ZNF780B: variants seen among roughly 807,000 people sequenced by gnomAD.
ZNF780B encodes zinc finger protein 780B.
A neutral mutation model predicts 74.1 loss-of-function variants in ZNF780B; 52 were observed. The ratio of observed to expected loss-of-function variants is 0.70; its 90% CI spans 0.56 to 0.88. The LOEUF (loss-of-function observed/expected upper bound fraction) is 0.88, where lower values mean the gene tolerates loss of function less well. ZNF780B is among the 40% of genes least tolerant of loss of function. ZNF780B has a pLI of 0.00. For synonymous variants in ZNF780B, 315 were observed against 324.3 expected (o/e 0.97, Z 0.31); for missense variants, 953 against 1,007.6 (o/e 0.95, Z 0.73).
chr19:40,044,488 G>GA (rs1012107730), intron 4 of ZNF780B, among the ~76,000 whole-genome samples: 6 of 152,080 alleles, frequency 3.9e-5, no homozygotes, highest in African/African-American at 9.7e-5. Context: ...AGTGTTGAAA[G>GA]AAAAAAATCA....
chr19:40,036,723 C>T, intron 4 of ZNF780B, 97 bp from the exon 5 acceptor site: 1 of 738,172 alleles, frequency 1.4e-6, no homozygotes, highest in Non-Finnish European at 2.1e-6. Flanking sequence ...AAATATAATA[C>T]TTTCAGGGAA....
intron 3 of ZNF780B, among the ~76,000 whole-genome samples, chr19:40,048,167 C>G (rs1973021828): frequency 6.6e-6 from 1 of 152,076 alleles, no homozygotes; most frequent in Non-Finnish European, 1.5e-5. Flanking sequence ...TTTTTTGAGA[C>G]AGTGTCTTGC....
At chr19:40,047,517 T>A (rs762383301) in intron 3 of ZNF780B, 47 bp from the exon 4 acceptor site, 13 of 1,430,638 alleles carry the variant, frequency 9.1e-6, no homozygotes, top group African/African-American at 4.4e-5. Flanking sequence ...ATATAAAAAT[T>A]TTTTTTAAAC....
At chr19:40,043,770 A>C (rs553612863) in intron 4 of ZNF780B, among the ~76,000 whole-genome samples, 1 of 152,142 alleles carries the variant, frequency 6.6e-6, no homozygotes, top group Non-Finnish European at 1.5e-5. Flanking sequence ...ACAATATTAG[A>C]GTGGGAGTGA....
chr19:40,042,294 T>G (rs1972683369), intron 4 of ZNF780B, among the ~76,000 whole-genome samples: 2 of 152,212 alleles, frequency 1.3e-5, no homozygotes, highest in East Asian at 3.8e-4. Flanking sequence ...TGGGCTTCCC[T>G]TTGTGGGTAA....
In ZNF780B at chr19:40,029,808, G is replaced by A. The variant is rs1033587916; in HGVS notation, c.*4549C>T. 6.6e-6 allele frequency: 1 copy of A among 151,814 alleles called. No individual in the cohort carries two copies. Among genetic ancestry groups the A allele is most frequent in the East Asian group, 1.9e-4 (1 of 5,196 alleles). The allele number at this position is 151,814 out of a possible 1,614,324, so 9.4% of individuals were successfully genotyped here. On this transcript the variant is annotated 3_prime_UTR_variant, in exon 5 of 5. Transcript: ENST00000434248. ...GGGTCAGTCTTAAACATCCTCTTACGGCCTGAAAACAATATTCCTTTAAAA... is the reference window on the plus strand; with the variant it reads ...GGGTCAGTCTTAAACATCCTCTTACAGCCTGAAAACAATATTCCTTTAAAA...
intron 4 of ZNF780B, among the ~76,000 whole-genome samples, chr19:40,043,722 T>C (rs544961629): frequency 5.3e-5 from 8 of 152,330 alleles, no homozygotes; most frequent in African/African-American, 1.4e-4. Flanking sequence ...CGGGATATAA[T>C]CTCCTGGTGT....
At chr19:40,045,831 T>C (rs565786920) in intron 4 of ZNF780B, among the ~76,000 whole-genome samples, 13 of 152,034 alleles carry the variant, frequency 8.6e-5, no homozygotes, top group African/African-American at 2.9e-4. Context: ...CTATTAAAAA[T>C]ACAAAAATTA....
rs1972309076 is a variant in ZNF780B at position 40,036,304 on chromosome 19, A to ACT, written c.553_554dup (p.Ser185ArgfsTer91). ...TATAGGGTTTCTCTCCAGTATGAAT[A>ACT]CTCTGATGCTGAATAAGATTTGAAC... is the stretch of plus-strand genomic sequence containing the variant. On this transcript the variant is annotated frameshift_variant, in exon 5 of 5. Coordinates refer to ENST00000434248, the MANE Select transcript of ZNF780B (RefSeq NM_001005851.3). LOFTEE classifies it high-confidence loss of function. 1 of 1,613,704 alleles carries ACT rather than the reference A, an allele frequency of 6.2e-7. No homozygotes were observed. The highest frequency in any genetic ancestry group is 2.2e-5 in the East Asian group (1 of 44,840).
intron 1 of ZNF780B, chr19:40,055,457 TC>T: frequency 6.6e-6 from 1 of 152,246 alleles, no homozygotes; most frequent in East Asian, 1.9e-4. Flanking sequence ...CATCCTCCTC[TC>T]GGTCCTTCTT....
chr19:40,034,409 G>C lies in ZNF780B; in HGVS notation c.2450C>G (p.Pro817Arg), dbSNP rs757273512. The change falls in exon 5 of 5, where the codon CCT becomes CGT. Residue 817 changes from proline to arginine, a missense_variant. Physicochemically the swap from Pro to Arg is moderately radical, Grantham distance 103. Transcript: ENST00000434248. The part of the protein sequence containing the change: ...NPLNVRNVGQ[P>R]SDISSNLLNI... ...CAGTAAGTTGCTACTGATGTCTGAAGGCTGTCCCACATTTCTTACATTCAA... is the reference window on the plus strand; with the variant it reads ...CAGTAAGTTGCTACTGATGTCTGAACGCTGTCCCACATTTCTTACATTCAA... 2.0e-5 allele frequency: 33 copies of C among 1,613,734 alleles called. No homozygotes were observed. The South Asian group carries it at 3.4e-4, about 17-fold the overall frequency.
rs1313629841 is a variant in ZNF780B, at chr19:40,047,431, T to C, written c.176A>G (p.Glu59Gly). The C allele has an allele frequency of 6.2e-7, 1 of 1,613,926 alleles. No individual in the cohort carries two copies. Among genetic ancestry groups the C allele is most frequent in the Non-Finnish European group, 8.5e-7 (1 of 1,179,908 alleles). Residue 59 changes from glutamate (E) to glycine (G), a missense_variant, in exon 4 of 5, where the codon GAG (glutamate) becomes GGG (glycine). Coordinates refer to ENST00000434248, the MANE Select transcript of ZNF780B (RefSeq NM_001005851.3). Reference sequence around the variant, plus strand: ...AACAATCCAGGGCTCTTTCTCTTGCTCTAGTAATGTAATCACATCTGGCTT... The same window carrying C: ...AACAATCCAGGGCTCTTTCTCTTGCCCTAGTAATGTAATCACATCTGGCTT... Reference protein sequence around the residue: ...ISKPDVITLLEQEKEPWIVVS... With the variant: ...ISKPDVITLLGQEKEPWIVVS...
intron 4 of ZNF780B, 79 bp downstream of exon 4, chr19:40,047,296 A>G: frequency 7.9e-7 from 1 of 1,258,896 alleles, no homozygotes; most frequent in Non-Finnish European, 1.2e-6. Flanking sequence ...ACCACATCTC[A>G]GGGGTGTGAC....
intron 4 of ZNF780B, among the ~76,000 whole-genome samples, chr19:40,046,069 A>G (rs1044639826): frequency 2.0e-5 from 3 of 152,204 alleles, no homozygotes; most frequent in Non-Finnish European, 2.9e-5. Flanking sequence ...AAAGAATAGA[A>G]TGATAGAAAC....
At chr19:40,050,284 A>C in intron 2 of ZNF780B, 40 bp downstream of exon 2, 1 of 1,594,700 alleles carries the variant, frequency 6.3e-7, no homozygotes, top group Non-Finnish European at 8.5e-7. Context: ...ACCTAACCTG[A>C]AAGTCACCAT....
intron 4 of ZNF780B, among the ~76,000 whole-genome samples, chr19:40,038,357 T>C (rs1972457847): frequency 6.6e-6 from 1 of 152,170 alleles, no homozygotes; most frequent in Non-Finnish European, 1.5e-5. Context: ...CTATTGTGAA[T>C]AGTGCCGCAA....
rs938379644 is a variant in ZNF780B at position 40,056,211 on chromosome 19, G to A, written c.-68C>T. Reference sequence around the variant, plus strand: ...TACCCAGCTAGGTCGTCAACCCCAGGAGACAGGAAGTGGAACCGCTAATTC... The same window carrying A: ...TACCCAGCTAGGTCGTCAACCCCAGAAGACAGGAAGTGGAACCGCTAATTC... On this transcript the variant is annotated 5_prime_UTR_variant, in exon 1 of 5. Transcript: ENST00000434248. The A allele has an allele frequency of 2.0e-5, 3 of 152,288 alleles. No homozygotes were observed. Among genetic ancestry groups the A allele is most frequent in the African/African-American group, 4.8e-5 (2 of 41,446 alleles). 9.4% of individuals were successfully genotyped at this position (152,288 alleles called of 1,614,324 possible).
rs188189648 is a variant in ZNF780B, at chr19:40,035,577, G to A, written c.1282C>T (p.Arg428Cys). The A allele has an allele frequency of 1.4e-3, 2,306 of 1,613,240 alleles. 3 individuals are homozygous for A. Among genetic ancestry groups the A allele is most frequent in the Non-Finnish European group, 1.5e-3 (1,756 of 1,179,838 alleles). ...ECKECGKGFNRGANLIQHQKI... is the reference protein window; with the variant it reads ...ECKECGKGFNCGANLIQHQKI... The stretch of plus-strand genomic sequence containing the variant: ...TGATGCTGAATAAGATTTGCACCAC[G>A]ATTAAAGCCTTTCCCACACTCCTTA... The change falls in exon 5 of 5, where the codon CGT becomes TGT. Residue 428 changes from arginine (R) to cysteine (C), a missense_variant. By Grantham distance (180) the Arg-to-Cys change is radical (BLOSUM62 -3). Coordinates refer to ENST00000434248, the MANE Select transcript of ZNF780B (RefSeq NM_001005851.3).
chr19:40,051,492 C>T lies in ZNF780B; in HGVS notation c.-45-1115G>A, dbSNP rs75637663. On this transcript the variant is annotated intron_variant, in intron 1 of 4. Transcript: ENST00000434248. ...CTATGTTTTTCTATGTATGTTAGTA[C>T]AATTTCTAAAAAAAATTGTCTACAA... 6.7e-3 allele frequency among the ~76,000 whole-genome samples: 1,015 copies of T among 152,146 alleles called. 5 individuals carry two copies. Among genetic ancestry groups the T allele is most frequent in the Non-Finnish European group, 0.012 (792 of 67,984 alleles).
Sources: gnomAD v4.1 joint callset for allele counts (sites outside exome capture counted in the v4.1 genomes callset) on GRCh38, gnomAD v4.1.1 for gene constraint, MANE v1.5 for transcripts, NCBI Gene and HGNC (gene_info 2026-07-23, HGNC 2026-07-21) for gene names.